SNED1: variants seen among roughly 807,000 people sequenced by gnomAD.
The protein encoded by SNED1 is sushi, nidogen and EGF like domains 1.
A neutral mutation model predicts 166.7 loss-of-function variants in SNED1; 81 were observed. The observed-to-expected ratio is 0.49, with a 90% CI of 0.41 to 0.58. The LOEUF is 0.58. Ranked by LOEUF, SNED1 falls within the 20% of genes least tolerant of loss-of-function variation. The pLI, the probability that SNED1 is intolerant of heterozygous loss-of-function variation, is 0.00. For missense variants in SNED1, 1,604 were observed against 2,000.2 expected (o/e 0.80, Z 3.78); for synonymous variants, 762 against 822.0 (o/e 0.93, Z 1.25).
intron 27 of SNED1, among the ~76,000 whole-genome samples, chr2:241,078,013 G>C (rs2063110880): frequency 6.6e-6 from 1 of 152,072 alleles, no homozygotes; most frequent in Admixed American, 6.6e-5. Flanking sequence ...GTCCACATGA[G>C]GTCCTGTACA....
At chr2:241,054,353 AAC>A (rs1180321244) in intron 16 of SNED1, among the ~76,000 whole-genome samples, 1 of 152,252 alleles carries the variant, frequency 6.6e-6, no homozygotes, top group African/African-American at 2.4e-5. Flanking sequence ...AAGACAGACT[AAC>A]ACAGGAGTTC....
chr2:241,086,172 TG>T (rs2063564736), intron 29 of SNED1, among the ~76,000 whole-genome samples: 1 of 152,194 alleles, frequency 6.6e-6, no homozygotes, highest in East Asian at 1.9e-4. Flanking sequence ...TGGCCCTGTC[TG>T]GGGTTTCTAT....
At chr2:241,017,082 CT>C (rs1364049665) in intron 1 of SNED1, among the ~76,000 whole-genome samples, 3 of 152,070 alleles carry the variant, frequency 2.0e-5, no homozygotes, top group Admixed American at 2.0e-4. Context: ...AACTCCCGAC[CT>C]CAGGTGATCC....
Position 241,093,385 on chromosome 2 carries a change from T to G in SNED1, c.*1749T>G, listed in dbSNP as rs1036971713. 2.6e-5 allele frequency: 4 copies of G among 152,658 alleles called. No homozygotes were observed. The highest frequency in any genetic ancestry group is 5.9e-5 in the Non-Finnish European group (4 of 68,056). 9.5% of individuals were successfully genotyped at this position (152,658 alleles called of 1,614,324 possible). A position where few individuals can be genotyped will look rare whatever the true frequency, so the allele number is the denominator to read the frequency against. On this transcript the variant is annotated 3_prime_UTR_variant, in exon 32 of 32. Coordinates refer to ENST00000310397, the MANE Select transcript of SNED1 (RefSeq NM_001080437.3). ...AGTAGGTGAATCCTACTAGGAAACTTTCTACTCCCTACTAGGACCTCAAGC... is the reference window on the plus strand; with the variant it reads ...AGTAGGTGAATCCTACTAGGAAACTGTCTACTCCCTACTAGGACCTCAAGC...
At chr2:241,012,835 T>C (rs1324819267) in intron 1 of SNED1, among the ~76,000 whole-genome samples, 2 of 151,646 alleles carry the variant, frequency 1.3e-5, no homozygotes, top group Non-Finnish European at 2.9e-5. Context: ...CTTTTTTTTT[T>C]TTTTTTGTTG....
intron 1 of SNED1, among the ~76,000 whole-genome samples, chr2:241,027,457 C>G (rs1385002720): frequency 6.6e-6 from 1 of 152,186 alleles, no homozygotes; most frequent in South Asian, 2.1e-4. Context: ...CATTCATCCT[C>G]AGTGGACACT....
chr2:241,066,879 G>T (rs1162287745), intron 21 of SNED1, among the ~76,000 whole-genome samples: 1 of 152,200 alleles, frequency 6.6e-6, no homozygotes, highest in Admixed American at 6.5e-5. Flanking sequence ...GGCCCACAAG[G>T]GCCTGTCCTG....
chr2:241,050,406 C>G (rs150223248), intron 12 of SNED1, among the ~76,000 whole-genome samples: 1 of 152,220 alleles, frequency 6.6e-6, no homozygotes, highest in Non-Finnish European at 1.5e-5. Context: ...AAGCAACAGT[C>G]AGGACTCCCA....
intron 4 of SNED1, 126 bp from the exon 5 acceptor site, chr2:241,036,664 G>A (rs555746376): frequency 7.2e-6 from 9 of 1,251,068 alleles, no homozygotes; most frequent in South Asian, 1.4e-5. Context: ...GCTTTGCTGC[G>A]GTCACCCGGG....
chr2:241,052,248 C>A, intron 14 of SNED1, 91 bp downstream of exon 14: 1 of 1,453,014 alleles, frequency 6.9e-7, no homozygotes, highest in Non-Finnish European at 9.6e-7. Flanking sequence ...CTGGTCCAGG[C>A]CCTGGAGGCG....
intron 8 of SNED1, among the ~76,000 whole-genome samples, chr2:241,048,021 G>A (rs557354917): frequency 2.3e-4 from 35 of 151,264 alleles, no homozygotes; most frequent in African/African-American, 6.6e-4. Context: ...TGGTCTCTCC[G>A]GTGCTTCTTG....
intron 3 of SNED1, among the ~76,000 whole-genome samples, chr2:241,034,308 C>A (rs1470775687): frequency 6.6e-6 from 1 of 152,210 alleles, no homozygotes; most frequent in Non-Finnish European, 1.5e-5. Flanking sequence ...CCACTCACCT[C>A]CTGGCCACCT....
intron 16 of SNED1, among the ~76,000 whole-genome samples, chr2:241,060,427 C>A (rs2062194961): frequency 6.6e-6 from 1 of 152,200 alleles, no homozygotes; most frequent in African/African-American, 2.4e-5. Context: ...TGGTGATCCA[C>A]CCGCCTTGGG....
intron 16 of SNED1, 124 bp downstream of exon 16, chr2:241,053,450 C>G: frequency 1.1e-6 from 1 of 944,394 alleles, no homozygotes; most frequent in East Asian, 2.6e-5. Flanking sequence ...GGTCCTGCCC[C>G]TGCTCCCCTC....
intron 8 of SNED1, chr2:241,040,876 T>C (rs1435121938): frequency 6.4e-6 from 3 of 469,268 alleles, no homozygotes. Context: ...TTGTGTTGTT[T>C]AACTGCTAGT....
intron 12 of SNED1, among the ~76,000 whole-genome samples, chr2:241,050,540 G>A (rs2061805387): frequency 1.3e-5 from 2 of 152,188 alleles, no homozygotes; most frequent in Admixed American, 6.5e-5. Flanking sequence ...GCCTGGACTG[G>A]TGTGGAGCCT....
chr2:241,090,457 AATG>A, intron 31 of SNED1: 1 of 1,531,680 alleles, frequency 6.5e-7, no homozygotes, highest in African/African-American at 1.4e-5. Flanking sequence ...ACTCTAAAAT[AATG>A]ATGAAGAGTA....
At chr2:241,065,008 C>T (rs2125194646) in intron 20 of SNED1, 51 bp downstream of exon 20, 1 of 1,344,806 alleles carries the variant, frequency 7.4e-7, no homozygotes, top group South Asian at 1.4e-5. Flanking sequence ...GGTCCCCTCT[C>T]CCTAGAGGGC....
At position 241,036,904 on chromosome 2, in the gene SNED1, G is replaced by A. The variant is rs752585955; in HGVS notation, c.920G>A (p.Arg307Lys). The A allele has an allele frequency of 6.2e-7, 1 of 1,610,502 alleles. No homozygotes were observed. Among genetic ancestry groups the A allele is most frequent in the African/African-American group, 1.3e-5 (1 of 75,044 alleles). ...TGCCTCTCGGGCTTCACGGGGCGGAGGTGCCACCTGGGTGAGTGACTGGCC... is the reference window on the plus strand; with the variant it reads ...TGCCTCTCGGGCTTCACGGGGCGGAAGTGCCACCTGGGTGAGTGACTGGCC... ...CSCLSGFTGR[R>K]CHLDVNECAS... is the part of the protein sequence containing the mutation. The change falls in exon 5 of 32, where the codon AGG becomes AAG. Residue 307 changes from arginine to lysine, a missense_variant. Physicochemically the swap from Arg to Lys is conservative, Grantham distance 26. This residue lies in a region of SNED1 where 1,237 missense variants were observed against 1,620.8 expected (regional missense o/e 0.76). Transcript: ENST00000310397.
Sources: gnomAD v4.1 joint callset for allele counts (sites outside exome capture counted in the v4.1 genomes callset) on GRCh38, gnomAD v4.1.1 for gene constraint, gnomAD v4.1.1 regional missense constraint, MANE v1.5 for transcripts, NCBI Gene and HGNC (gene_info 2026-07-23, HGNC 2026-07-21) for gene names.